ITGBL1: variants seen among roughly 807,000 people sequenced by gnomAD.
The protein encoded by ITGBL1 is integrin beta-like protein 1.
A neutral mutation model predicts 68.5 loss-of-function variants in ITGBL1; 51 were observed. That is an observed-to-expected ratio of 0.74 (90% CI 0.59 to 0.94). ITGBL1 has a LOEUF of 0.94. Ranked by LOEUF, ITGBL1 falls within the 40% of genes least tolerant of loss-of-function variation. ITGBL1 has a pLI of 0.00. For synonymous variants in ITGBL1, 209 were observed against 227.3 expected (o/e 0.92, Z 0.72); for missense variants, 649 against 647.4 (o/e 1.00, Z -0.03).
intron 2 of ITGBL1, among the ~76,000 whole-genome samples, chr13:101,516,147 A>G (rs1468956911): frequency 6.6e-6 from 1 of 152,056 alleles, no homozygotes; most frequent in South Asian, 2.1e-4. Flanking sequence ...ATTTTGGTGC[A>G]CCTTGTATTT....
intron 2 of ITGBL1, among the ~76,000 whole-genome samples, chr13:101,482,642 A>G (rs1454561730): frequency 6.6e-6 from 1 of 152,164 alleles, no homozygotes; most frequent in African/African-American, 2.4e-5. Context: ...TTCCATATAT[A>G]GGCACTAAAT....
At chr13:101,490,121 T>C (rs937172639) in intron 2 of ITGBL1, 6 of 663,216 alleles carry the variant, frequency 9.0e-6, no homozygotes, top group Non-Finnish European at 1.5e-5. Context: ...AGGTGGGGCC[T>C]TTTGGAGATA....
At chr13:101,577,686 G>A (rs541594952) in intron 4 of ITGBL1, among the ~76,000 whole-genome samples, 87 of 152,230 alleles carry the variant, frequency 5.7e-4, no homozygotes, top group East Asian at 1.3e-3. Flanking sequence ...CTAAAAAGGT[G>A]ATTGGGTCGT....
intron 7 of ITGBL1, among the ~76,000 whole-genome samples, chr13:101,652,302 T>C (rs1163510161): frequency 1.3e-5 from 2 of 151,022 alleles, no homozygotes; most frequent in African/African-American, 2.4e-5. Flanking sequence ...CCACCACACC[T>C]AGTTAATTTT....
chr13:101,622,052 C>A (rs2031605649), intron 7 of ITGBL1, among the ~76,000 whole-genome samples: 1 of 152,116 alleles, frequency 6.6e-6, no homozygotes, highest in African/African-American at 2.4e-5. Context: ...GTTTCTATTT[C>A]TATTTATTGT....
At chr13:101,600,827 G>A (rs2030325302) in intron 7 of ITGBL1, among the ~76,000 whole-genome samples, 1 of 152,158 alleles carries the variant, frequency 6.6e-6, no homozygotes, top group African/African-American at 2.4e-5. Flanking sequence ...ATGTGTTGCT[G>A]GTTTCGGTTT....
intron 7 of ITGBL1, among the ~76,000 whole-genome samples, chr13:101,635,680 G>A (rs368933134): frequency 3.3e-5 from 5 of 152,170 alleles, no homozygotes; most frequent in African/African-American, 1.2e-4. Flanking sequence ...TAAATGTGCA[G>A]CTCTTTGTGT....
chr13:101,594,117 A>G (rs1002003269), intron 6 of ITGBL1, among the ~76,000 whole-genome samples: 10 of 152,244 alleles, frequency 6.6e-5, no homozygotes, highest in African/African-American at 2.4e-4. Context: ...AATATACCCC[A>G]AATAACTAAA....
chr13:101,695,107 A>G (rs957846732), intron 8 of ITGBL1, among the ~76,000 whole-genome samples: 1 of 152,190 alleles, frequency 6.6e-6, no homozygotes, highest in Admixed American at 6.5e-5. Flanking sequence ...CAATGGGAAT[A>G]TACATAACGG....
rs1287687841 is a variant in ITGBL1, at chr13:101,673,787, G to T, written c.1016-18798G>T. Reference sequence around the variant, plus strand: ...TTTTGAGATGATAACCCTTGTCTATGAAACTGATGAAGTTGGACTTAACAA... The same window carrying T: ...TTTTGAGATGATAACCCTTGTCTATTAAACTGATGAAGTTGGACTTAACAA... On this transcript the variant is annotated intron_variant, in intron 7 of 10. Transcript: ENST00000376180. 2.0e-5 allele frequency among the ~76,000 whole-genome samples: 3 copies of T among 152,280 alleles called. No homozygotes were observed. In the East Asian group the frequency reaches 5.8e-4, roughly 29 times the overall value.
At chr13:101,596,167 A>C (rs956868833) in intron 6 of ITGBL1, among the ~76,000 whole-genome samples, 4 of 152,238 alleles carry the variant, frequency 2.6e-5, no homozygotes, top group Non-Finnish European at 5.9e-5. Context: ...ACATTCTGCT[A>C]AGTAAAATAA....
chr13:101,575,843 G>A, intron 4 of ITGBL1, among the ~76,000 whole-genome samples: 1 of 152,164 alleles, frequency 6.6e-6, no homozygotes, highest in African/African-American at 2.4e-5. Context: ...GCTCACCTTA[G>A]TCACTTTTAT....
At chr13:101,717,460 A>G (rs976108702), downstream of ITGBL1, 7 of 152,118 alleles carry the variant, frequency 4.6e-5, no homozygotes, top group African/African-American at 1.4e-4. Context: ...CTACCTAAAC[A>G]TTTTAAGCTG....
At chr13:101,694,446 C>T (rs2033957268) in intron 8 of ITGBL1, among the ~76,000 whole-genome samples, 1 of 151,722 alleles carries the variant, frequency 6.6e-6, no homozygotes, top group Admixed American at 6.6e-5. Flanking sequence ...CTTTTTGAGA[C>T]AGAGTCTCAC....
chr13:101,538,223 A>G (rs900852649), intron 2 of ITGBL1, among the ~76,000 whole-genome samples: 1 of 152,068 alleles, frequency 6.6e-6, no homozygotes, highest in Non-Finnish European at 1.5e-5. Flanking sequence ...TACTTTTGCT[A>G]TTTATCAGTG....
At chr13:101,605,959 TAC>T (rs2030811166) in intron 7 of ITGBL1, among the ~76,000 whole-genome samples, 2 of 147,282 alleles carry the variant, frequency 1.4e-5, no homozygotes, top group South Asian at 4.2e-4. Flanking sequence ...TATACACATA[TAC>T]ACATATATAT....
chr13:101,689,540 G>C (rs961657599), intron 7 of ITGBL1, among the ~76,000 whole-genome samples: 2 of 151,884 alleles, frequency 1.3e-5, no homozygotes, highest in Admixed American at 6.6e-5. Flanking sequence ...AGGAGGCGGA[G>C]GTTGCAGTGA....
intron 2 of ITGBL1, 127 bp downstream of exon 2, chr13:101,454,227 C>A (rs1189547885): frequency 3.9e-6 from 2 of 512,958 alleles, no homozygotes; most frequent in Non-Finnish European, 6.3e-6. Flanking sequence ...TAAGTTACTG[C>A]GATTGTCACA....
In ITGBL1 at chr13:101,594,711, T is replaced by C. The variant is rs1583525; in HGVS notation, c.869-3442T>C. ...ATAAGGGGTTAATATTCAAAATATA[T>C]GAGTTCTAGTCCATTTTTGCATTGC... On this transcript the variant is annotated intron_variant, in intron 6 of 10. Transcript: ENST00000376180. Among the ~76,000 whole-genome samples the C allele has an allele frequency of 6.3e-3, 955 of 152,280 alleles. 12 individuals carry two copies. The highest frequency in any genetic ancestry group is 0.021 in the African/African-American group (877 of 41,558).
Sources: allele counts gnomAD v4.1 joint callset (sites outside exome capture counted in the v4.1 genomes callset), GRCh38; gene constraint gnomAD v4.1.1; transcripts MANE v1.5; gene names NCBI Gene and HGNC (gene_info 2026-07-23, HGNC 2026-07-21).